The following FAM83B variants were observed in gnomAD, a reference collection of about 807,000 sequenced individuals.
The protein encoded by FAM83B is protein FAM83B.
A neutral mutation model predicts 38.8 loss-of-function variants in FAM83B; 26 were observed. The ratio of observed to expected loss-of-function variants is 0.67; its 90% CI spans 0.49 to 0.93. FAM83B has a LOEUF of 0.93. FAM83B is among the 40% of genes least tolerant of loss of function. The pLI is 0.00. For missense variants in FAM83B, 1,237 were observed against 1,197.3 expected, an observed-to-expected ratio of 1.03 and a Z score of -0.49; for synonymous variants, 419 against 423.1, an observed-to-expected ratio of 0.99 and a Z score of 0.12.
At position 54,941,227 on chromosome 6, in the gene FAM83B, C is replaced by G; in HGVS notation, c.2256C>G (p.Asn752Lys). The G allele has an allele frequency of 6.2e-7, 1 of 1,613,388 alleles. No homozygotes were observed. The highest frequency in any genetic ancestry group is 8.5e-7 in the Non-Finnish European group (1 of 1,179,810). Residue 752 changes from asparagine (N) to lysine (K), a missense_variant, in exon 5 of 5, where the codon AAC becomes AAG. By Grantham distance (94) the Asn-to-Lys change is moderately conservative (BLOSUM62 0). Coordinates refer to ENST00000306858, the MANE Select transcript of FAM83B (RefSeq NM_001010872.3). ...TTGATGTGAATAAAGAGGAATCTAA[C>G]AAAGAACTTGCTTCAAAGAAGGAAG... ...ALLDVNKEES[N>K]KELASKKEVK...
intron 1 of FAM83B, among the ~76,000 whole-genome samples, chr6:54,868,019 A>C (rs1771759082): frequency 6.6e-6 from 1 of 152,136 alleles, no homozygotes; most frequent in Non-Finnish European, 1.5e-5. Flanking sequence ...ACTGTACTTC[A>C]ATAAACCTTA....
rs145144894 is a variant in FAM83B, at chr6:54,893,352, A to C, written c.444+22662A>C. Reference sequence around the variant, plus strand: ...CTGTTCCTTGTCACAGTCTATTCATATTGTGGTTATTTGTTAATACATTTT... The same window carrying C: ...CTGTTCCTTGTCACAGTCTATTCATCTTGTGGTTATTTGTTAATACATTTT... On this transcript the variant is annotated intron_variant, in intron 2 of 4. Coordinates refer to ENST00000306858, the MANE Select transcript of FAM83B (RefSeq NM_001010872.3). 1.2e-3 allele frequency among the ~76,000 whole-genome samples: 185 copies of C among 152,180 alleles called. 3 individuals carry two copies. Among genetic ancestry groups the C allele is most frequent in the African/African-American group, 4.1e-3 (170 of 41,516 alleles).
chr6:54,850,844 C>T (rs561671494), intron 1 of FAM83B, among the ~76,000 whole-genome samples: 21 of 151,978 alleles, frequency 1.4e-4, no homozygotes, highest in African/African-American at 3.9e-4. Context: ...GGTGGTGAAA[C>T]GCCGTCTCTA....
chr6:54,940,456 G>A lies in FAM83B; in HGVS notation c.1485G>A (p.Trp495Ter). 1 of 1,614,066 alleles carries A rather than the reference G, an allele frequency of 6.2e-7. No homozygotes were observed. The highest frequency in any genetic ancestry group is 8.5e-7 in the Non-Finnish European group (1 of 1,180,022). The part of the protein sequence containing the change: ...EHTTKSFLRN[W>*]RIESYLNDHS... Reference sequence around the variant, plus strand: ...CCACAAAGTCATTCCTACGTAACTGGAGAATTGAATCCTACTTAAATGATC... The same window carrying A: ...CCACAAAGTCATTCCTACGTAACTGAAGAATTGAATCCTACTTAAATGATC... Residue 495 changes from tryptophan to a stop codon, truncating the protein, a stop_gained, in exon 5 of 5, where the codon TGG (tryptophan) becomes TGA (stop). Transcript: ENST00000306858. LOFTEE classifies it low-confidence loss of function (END_TRUNC).
At chr6:54,931,061 G>A (rs768584132) in intron 4 of FAM83B, among the ~76,000 whole-genome samples, 23 of 151,900 alleles carry the variant, frequency 1.5e-4, no homozygotes, top group Non-Finnish European at 3.1e-4. Flanking sequence ...TTGACTCATT[G>A]GCTACTCAAA....
At chr6:54,847,508 AAGTTTG>A (rs1284838819) in intron 1 of FAM83B, among the ~76,000 whole-genome samples, 15 of 152,130 alleles carry the variant, frequency 9.9e-5, no homozygotes, top group Admixed American at 8.5e-4. Context: ...GTACCTACCA[AAGTTTG>A]AGAACCACTG....
intron 3 of FAM83B, 93 bp from the exon 4 acceptor site, chr6:54,927,415 T>G (rs1773318763): frequency 1.9e-6 from 2 of 1,043,740 alleles, no homozygotes; most frequent in Admixed American, 3.1e-5. Context: ...GTAAATTTTT[T>G]TATATTAAGA....
At chr6:54,851,146 A>T (rs79107919) in intron 1 of FAM83B, among the ~76,000 whole-genome samples, 2,756 of 150,866 alleles carry the variant, frequency 0.018, 28 homozygotes, top group Middle Eastern at 0.034. Flanking sequence ...TTCCCCTGTG[A>T]TTCTTTTTTT....
At chr6:54,854,260 T>C (rs995440374) in intron 1 of FAM83B, among the ~76,000 whole-genome samples, 2 of 152,178 alleles carry the variant, frequency 1.3e-5, no homozygotes, top group East Asian at 3.8e-4. Flanking sequence ...TATAAAAACT[T>C]AGTTGGTAAA....
intron 2 of FAM83B, among the ~76,000 whole-genome samples, chr6:54,925,212 C>T (rs949555216): frequency 2.6e-5 from 4 of 152,148 alleles, no homozygotes; most frequent in Non-Finnish European, 4.4e-5. Flanking sequence ...TCCCCGAAAC[C>T]CCCAAACTCC....
chr6:54,847,121 G>A (rs1581872762), intron 1 of FAM83B, among the ~76,000 whole-genome samples: 1 of 152,182 alleles, frequency 6.6e-6, no homozygotes, highest in Admixed American at 6.5e-5. Context: ...TGGGTCCCCA[G>A]AGGACTGGCG....
At chr6:54,931,557 CTCTTA>C (rs1409555500) in intron 4 of FAM83B, among the ~76,000 whole-genome samples, 1 of 151,904 alleles carries the variant, frequency 6.6e-6, no homozygotes, top group East Asian at 1.9e-4. Context: ...TCTTCTTTAT[CTCTTA>C]TAAGTTTTTT....
chr6:54,879,153 A>T lies in FAM83B; in HGVS notation c.444+8463A>T, dbSNP rs9370335. Among the ~76,000 whole-genome samples, 518 of 152,314 alleles carry T rather than the reference A, an allele frequency of 3.4e-3. 8 individuals are homozygous for T. The highest frequency in any genetic ancestry group is 0.033 in the East Asian group (172 of 5,174). On this transcript the variant is annotated intron_variant, in intron 2 of 4. Transcript: ENST00000306858. Reference sequence around the variant, plus strand: ...CTTTGGATGGTTGATCCGTAACCCCAGTCACTGACATCTGGCAACACACAT... The same window carrying T: ...CTTTGGATGGTTGATCCGTAACCCCTGTCACTGACATCTGGCAACACACAT...
At chr6:54,906,138 A>G (rs71560876) in intron 2 of FAM83B, among the ~76,000 whole-genome samples, 1,747 of 151,992 alleles carry the variant, frequency 0.011, 15 homozygotes, top group Middle Eastern at 0.024. Flanking sequence ...TTCTATCTCT[A>G]TGGAGACTGT....
intron 2 of FAM83B, among the ~76,000 whole-genome samples, chr6:54,874,314 C>T (rs912367158): frequency 1.3e-5 from 2 of 152,062 alleles, no homozygotes; most frequent in Non-Finnish European, 2.9e-5. Flanking sequence ...TGTTTGAGAA[C>T]TTTCCTTTGG....
intron 2 of FAM83B, among the ~76,000 whole-genome samples, chr6:54,883,229 C>A (rs1282618774): frequency 6.6e-6 from 1 of 152,058 alleles, no homozygotes; most frequent in Non-Finnish European, 1.5e-5. Flanking sequence ...AGGCGTGAGC[C>A]ACCATGCCTA....
intron 2 of FAM83B, among the ~76,000 whole-genome samples, chr6:54,905,142 G>C (rs1251931122): frequency 6.6e-6 from 1 of 152,104 alleles, no homozygotes; most frequent in African/African-American, 2.4e-5. Context: ...AGAACCTGGG[G>C]TCAGCAGGGA....
At chr6:54,885,143 T>G (rs1772244293) in intron 2 of FAM83B, among the ~76,000 whole-genome samples, 1 of 152,094 alleles carries the variant, frequency 6.6e-6, no homozygotes, top group African/African-American at 2.4e-5. Context: ...AATTTTAGAA[T>G]CATCTTGTCA....
intron 2 of FAM83B, among the ~76,000 whole-genome samples, chr6:54,886,374 G>A (rs1281957117): frequency 6.6e-6 from 1 of 151,978 alleles, no homozygotes; most frequent in Non-Finnish European, 1.5e-5. Flanking sequence ...TGAATATTAG[G>A]AAAGATTTGC....
Sources: allele counts gnomAD v4.1 joint callset (sites outside exome capture counted in the v4.1 genomes callset), GRCh38; gene constraint gnomAD v4.1.1; transcripts MANE v1.5; gene names NCBI Gene and HGNC (gene_info 2026-07-23, HGNC 2026-07-21).